PCLO: variants seen among roughly 807,000 people sequenced by gnomAD.
PCLO encodes piccolo presynaptic cytomatrix protein.
Under a neutral mutation model 427.5 loss-of-function variants are expected in PCLO, and 82 were observed. That is an observed-to-expected ratio of 0.19 (90% CI 0.16 to 0.23). PCLO has a LOEUF of 0.23. PCLO is among the 10% of genes least tolerant of loss of function. PCLO has a pLI of 1.00. For synonymous variants in PCLO, 2,357 were observed against 2,155.4 expected, an observed-to-expected ratio of 1.09 and a Z score of -2.59; for missense variants, 6,239 against 6,115.9, an observed-to-expected ratio of 1.02 and a Z score of -0.67.
intron 19 of PCLO, among the ~76,000 whole-genome samples, chr7:82,822,963 TAGTTTCACC>T (rs1345927132): frequency 1.3e-5 from 2 of 152,166 alleles, no homozygotes; most frequent in Admixed American, 6.5e-5. Context: ...TGTTAACTTT[TAGTTTCACC>T]AAGCACCTCT....
Position 82,758,434 on chromosome 7 carries a change from A to G in PCLO, c.*141T>C. On this transcript the variant is annotated 3_prime_UTR_variant, in exon 25 of 25. Coordinates refer to ENST00000333891, the MANE Select transcript of PCLO (RefSeq NM_033026.6). ...GTGTGATCCACAACAATAAATGTAC[A>G]AGGTCTTAAGTATGTTTTTGCTTGT... The G allele has an allele frequency of 1.7e-6, 1 of 580,932 alleles. No individual in the cohort carries two copies. The allele number at this position is 580,932 out of a possible 1,614,324, so 36.0% of individuals were successfully genotyped here. A position where few individuals can be genotyped will look rare whatever the true frequency, so the allele number is the denominator to read the frequency against.
At chr7:82,914,304 T>A (rs1384947937) in intron 7 of PCLO, 1 of 435,966 alleles carries the variant, frequency 2.3e-6, no homozygotes, top group East Asian at 3.5e-5. Flanking sequence ...AAACTGAAAC[T>A]GACCAATAAC....
chr7:82,836,360 T>C (rs961115269), intron 15 of PCLO, among the ~76,000 whole-genome samples: 1 of 152,124 alleles, frequency 6.6e-6, no homozygotes, highest in Non-Finnish European at 1.5e-5. Context: ...ACATTGAAGG[T>C]CTAATAAATC....
Position 83,134,997 on chromosome 7 carries a change from C to T in PCLO, c.2553G>A (p.Lys851=). 2.5e-6 allele frequency: 4 copies of T among 1,613,508 alleles called. No homozygotes were observed. The highest frequency in any genetic ancestry group is 3.3e-4 in the Middle Eastern group (2 of 6,058). The part of the protein sequence containing the change: ...KGQKQVDPVQ[K]KEEPKKAQTK... ...TTTGTGCTTTCTTGGGTTCTTCCTT[C>T]TTTTGTACGGGGTCAACTTGTTTTT... The change falls in exon 3 of 25, where the codon AAG becomes AAA. Residue 851 remains lysine (K), a synonymous_variant. Coordinates refer to ENST00000333891, the MANE Select transcript of PCLO (RefSeq NM_033026.6).
chr7:83,156,454 A>T (rs981937427), intron 1 of PCLO, 62 bp from the exon 2 acceptor site: 32 of 1,087,210 alleles, frequency 2.9e-5, no homozygotes, highest in Non-Finnish European at 7.7e-6. Flanking sequence ...TTTCAAATCA[A>T]AGTAATACAA....
At position 82,757,422 on chromosome 7, in the gene PCLO, G is replaced by A. The variant is rs1366538584; in HGVS notation, c.*1153C>T. The A allele has an allele frequency of 1.3e-5, 2 of 151,918 alleles. No homozygotes were observed. Among genetic ancestry groups the A allele is most frequent in the Non-Finnish European group, 2.9e-5 (2 of 67,918 alleles). The allele number at this position is 151,918 out of a possible 1,614,324, so 9.4% of individuals were successfully genotyped here. ...CACTGTGATACTGTCACTAAAGTAA[G>A]AAAATAGAGCACTAGAGAGAACTCG... On this transcript the variant is annotated 3_prime_UTR_variant, in exon 25 of 25. Coordinates refer to ENST00000333891, the MANE Select transcript of PCLO (RefSeq NM_033026.6).
Position 82,951,375 on chromosome 7 carries a change from T to A in PCLO, c.9213A>T (p.Pro3071=), listed in dbSNP as rs772158033. ...PQYSTARMTP[P]PGPQYCVGSV... is the part of the protein sequence containing the mutation. The stretch of plus-strand genomic sequence containing the variant: ...TCCCCACACAATACTGGGGTCCTGG[T>A]GGTGGTGTCATTCTTGCTGTGGAAT... The change falls in exon 6 of 25, where the codon CCA becomes CCT. Residue 3071 remains proline (P), a synonymous_variant. Transcript: ENST00000333891. The A allele has an allele frequency of 1.9e-6, 3 of 1,604,958 alleles. No homozygotes were observed. The African/African-American group carries it at 4.0e-5, about 21-fold the overall frequency.
At chr7:83,094,210 C>CTGTTTTTTTTTTTTTTTTT (rs61363541) in intron 3 of PCLO, among the ~76,000 whole-genome samples, 1 of 126,020 alleles carries the variant, frequency 7.9e-6, no homozygotes, top group Non-Finnish European at 1.6e-5. Context: ...ATTTTTTTTT[C>CTGTTTTTTTTTTTTTTTTT]TTTTTTTTTT....
intron 3 of PCLO, among the ~76,000 whole-genome samples, chr7:83,024,512 A>C (rs916406759): frequency 6.6e-6 from 1 of 152,140 alleles, no homozygotes; most frequent in Non-Finnish European, 1.5e-5. Context: ...ACTGCAATGC[A>C]GCAGCCAGGC....
At chr7:83,054,972 T>G (rs1165619181) in intron 3 of PCLO, among the ~76,000 whole-genome samples, 1 of 152,138 alleles carries the variant, frequency 6.6e-6, no homozygotes, top group Non-Finnish European at 1.5e-5. Flanking sequence ...TCAGGTATCT[T>G]GTATATTTTT....
chr7:82,900,880 G>C (rs1484325287), intron 9 of PCLO, among the ~76,000 whole-genome samples: 1 of 151,602 alleles, frequency 6.6e-6, no homozygotes, highest in Non-Finnish European at 1.5e-5. Context: ...ATTATTTTTG[G>C]AAATCCAAAA....
chr7:82,862,566 C>CAAAAAAAAAAAAAAAAAAAAA (rs36075501), intron 10 of PCLO, among the ~76,000 whole-genome samples: 1 of 92,232 alleles, frequency 1.1e-5, no homozygotes, highest in Non-Finnish European at 2.1e-5. Flanking sequence ...GACTCTGCCT[C>CAAAAAAAAAAAAAAAAAAAAA]AAAAAAAAAA....
At chr7:83,040,572 C>T (rs1444717393) in intron 3 of PCLO, among the ~76,000 whole-genome samples, 1 of 152,146 alleles carries the variant, frequency 6.6e-6, no homozygotes, top group Non-Finnish European at 1.5e-5. Context: ...GTCCTTCCAG[C>T]TGTCTCTTCC....
chr7:82,770,951 A>C (rs545815626), intron 22 of PCLO, among the ~76,000 whole-genome samples: 4 of 152,140 alleles, frequency 2.6e-5, no homozygotes, highest in Admixed American at 2.6e-4. Flanking sequence ...ATGTTTTCTG[A>C]ACAAAGTTTC....
At chr7:82,769,586 A>G (rs1278830232) in intron 22 of PCLO, among the ~76,000 whole-genome samples, 5 of 152,166 alleles carry the variant, frequency 3.3e-5, no homozygotes, top group Admixed American at 6.6e-5. Flanking sequence ...GTCTCTTTAG[A>G]GGCAAGTTTT....
intron 22 of PCLO, among the ~76,000 whole-genome samples, chr7:82,791,057 G>A (rs1221966114): frequency 6.6e-6 from 1 of 152,150 alleles, no homozygotes; most frequent in Non-Finnish European, 1.5e-5. Flanking sequence ...CTTTGTGCAA[G>A]TCCCTGTGCC....
chr7:82,887,322 T>G (rs753356700), intron 9 of PCLO, among the ~76,000 whole-genome samples: 8 of 152,156 alleles, frequency 5.3e-5, no homozygotes, highest in Non-Finnish European at 1.0e-4. Context: ...CAAGAAAATA[T>G]TCTAGAAAAT....
At chr7:82,964,184 A>G (rs1795715492) in intron 4 of PCLO, among the ~76,000 whole-genome samples, 4 of 152,156 alleles carry the variant, frequency 2.6e-5, no homozygotes. Context: ...CCTGAGGAAC[A>G]GGAGTTAATA....
At chr7:82,844,667 T>C (rs1463185992) in intron 13 of PCLO, among the ~76,000 whole-genome samples, 7 of 152,134 alleles carry the variant, frequency 4.6e-5, no homozygotes, top group Non-Finnish European at 1.0e-4. Flanking sequence ...TCATAAATTT[T>C]GTATATTTCC....
Sources: allele counts gnomAD v4.1 joint callset (sites outside exome capture counted in the v4.1 genomes callset), GRCh38; gene constraint gnomAD v4.1.1; transcripts MANE v1.5; gene names NCBI Gene and HGNC (gene_info 2026-07-23, HGNC 2026-07-21).